Variants in ANK2 observed in about 807,000 individuals in gnomAD.
ANK2 encodes the protein ankyrin 2.
A neutral mutation model predicts 360.5 loss-of-function variants in ANK2; 83 were observed. That is an observed-to-expected ratio of 0.23 (90% confidence interval 0.19 to 0.28). The LOEUF is 0.28. Ranked by LOEUF, ANK2 falls within the 10% of genes least tolerant of loss-of-function variation. The pLI is 1.00. For missense variants in ANK2, 4,201 were observed against 4,795.7 expected (o/e 0.88, Z 3.66); for synonymous variants, 1,740 against 1,759.5 (o/e 0.99, Z 0.28).
intron 2 of ANK2, among the ~76,000 whole-genome samples, chr4:112,991,530 A>G (rs1164328553): frequency 6.6e-6 from 1 of 151,624 alleles, no homozygotes; most frequent in Non-Finnish European, 1.5e-5. Context: ...TGTGTTACAC[A>G]CACAGTCTTT....
At chr4:113,237,825 G>A (rs2099395453) in intron 7 of ANK2, among the ~76,000 whole-genome samples, 1 of 152,144 alleles carries the variant, frequency 6.6e-6, no homozygotes, top group South Asian at 2.1e-4. Flanking sequence ...ATTTTTATCA[G>A]TAAAACTATT....
chr4:112,730,636 CAAAAA>C, the ANK2 span, among the ~76,000 whole-genome samples: 10 of 57,944 alleles, frequency 1.7e-4, no homozygotes, highest in African/African-American at 6.2e-4. Flanking sequence ...GACTCCATCT[CAAAAA>C]AAAAAAAAAA....
At chr4:113,267,701 T>C (rs528547397) in intron 14 of ANK2, among the ~76,000 whole-genome samples, 3 of 152,340 alleles carry the variant, frequency 2.0e-5, no homozygotes, top group East Asian at 3.9e-4. Context: ...CCAGCTTTAT[T>C]CTTTTTGCTT....
chr4:112,978,834 A>G (rs537587703), intron 2 of ANK2, among the ~76,000 whole-genome samples: 3 of 152,220 alleles, frequency 2.0e-5, no homozygotes, highest in Non-Finnish European at 4.4e-5. Flanking sequence ...AATTTGGCAT[A>G]GTCATTTGAC....
the ANK2 span, among the ~76,000 whole-genome samples, chr4:112,754,157 A>C: frequency 7.0e-6 from 1 of 141,856 alleles, no homozygotes; most frequent in Non-Finnish European, 1.5e-5. Context: ...ATAAAATTGC[A>C]TGGGGATATA....
At chr4:112,811,629 C>T in the ANK2 span, among the ~76,000 whole-genome samples, 2 of 152,282 alleles carry the variant, frequency 1.3e-5, no homozygotes, top group Admixed American at 1.3e-4. Context: ...CCTTTATCAA[C>T]CTTATACTCA....
chr4:113,003,423 A>T (rs573444746), intron 2 of ANK2, among the ~76,000 whole-genome samples: 1 of 152,322 alleles, frequency 6.6e-6, no homozygotes, highest in East Asian at 1.9e-4. Context: ...AAAAATAATG[A>T]ATCAAAAATT....
At position 113,348,353 on chromosome 4, in the gene ANK2, G is replaced by A. The variant is rs2272234; in HGVS notation, c.4404+45G>A. 53,026 of 1,592,992 alleles carry A rather than the reference G, an allele frequency of 0.033. 2,923 individuals carry two copies. The highest frequency in any genetic ancestry group is 0.25 in the African/African-American group (18,657 of 74,454). On this transcript the variant is annotated intron_variant, in intron 36 of 45. Coordinates refer to ENST00000357077, the MANE Select transcript of ANK2 (RefSeq NM_001148.6). ...ACTTGTTATCGGCTGTGTCATTGCT[G>A]TAACCACTAATAAGAGCACATAGTT... is the stretch of plus-strand genomic sequence containing the variant.
At chr4:112,830,707 C>A (rs563049076) in intron 1 of ANK2, among the ~76,000 whole-genome samples, 1 of 152,206 alleles carries the variant, frequency 6.6e-6, no homozygotes, top group Non-Finnish European at 1.5e-5. Flanking sequence ...ACTCTGGCTG[C>A]GCTTGAGGAG....
intron 2 of ANK2, among the ~76,000 whole-genome samples, chr4:113,186,912 T>G (rs1321642478): frequency 6.6e-6 from 1 of 152,112 alleles, no homozygotes; most frequent in African/African-American, 2.4e-5. Flanking sequence ...CAGTTGTTTT[T>G]AGTCCCCATA....
At chr4:113,239,893 T>C (rs1310056546) in intron 7 of ANK2, among the ~76,000 whole-genome samples, 1 of 152,106 alleles carries the variant, frequency 6.6e-6, no homozygotes, top group Non-Finnish European at 1.5e-5. Context: ...TTTTTAATTA[T>C]TTCATCATGA....
chr4:113,160,220 T>C, intron 1 of ANK2: 1 of 275,474 alleles, frequency 3.6e-6, no homozygotes, highest in South Asian at 3.3e-5. Context: ...GATAGAATTA[T>C]AAAGGAAACT....
chr4:113,380,433 G>A (rs887273894), intron 45 of ANK2, among the ~76,000 whole-genome samples: 1 of 152,166 alleles, frequency 6.6e-6, no homozygotes, highest in Non-Finnish European at 1.5e-5. Flanking sequence ...GGCCAAGGTG[G>A]ACAGATCATC....
At chr4:112,905,553 A>G (rs1019903854) in intron 2 of ANK2, among the ~76,000 whole-genome samples, 6 of 152,368 alleles carry the variant, frequency 3.9e-5, no homozygotes, top group South Asian at 2.1e-4. Flanking sequence ...TATTTAACAT[A>G]CATTTTCTAT....
chr4:113,223,797 A>G (rs1463281045), intron 4 of ANK2, among the ~76,000 whole-genome samples: 1 of 152,194 alleles, frequency 6.6e-6, no homozygotes, highest in Non-Finnish European at 1.5e-5. Flanking sequence ...AATAAATATT[A>G]TCATCACAGT....
chr4:113,151,261 G>C, intron 1 of ANK2: 1 of 654,998 alleles, frequency 1.5e-6, no homozygotes, highest in Non-Finnish European at 2.2e-6. Flanking sequence ...TAGTTCATTT[G>C]TGTAGCTACA....
chr4:112,861,649 G>T (rs1397749140), intron 1 of ANK2, among the ~76,000 whole-genome samples: 1 of 152,188 alleles, frequency 6.6e-6, no homozygotes, highest in African/African-American at 2.4e-5. Context: ...AGTATTGAGA[G>T]TATTAAATAA....
At chr4:112,997,848 TACAC>T (rs746566624) in intron 2 of ANK2, among the ~76,000 whole-genome samples, 1 of 150,734 alleles carries the variant, frequency 6.6e-6, no homozygotes, top group Admixed American at 6.6e-5. Context: ...CATATATATA[TACAC>T]ACACACATAT....
At chr4:112,754,638 C>T in the ANK2 span, among the ~76,000 whole-genome samples, 1 of 152,098 alleles carries the variant, frequency 6.6e-6, no homozygotes, top group Non-Finnish European at 1.5e-5. Context: ...TGCTTTCCCT[C>T]AGGCAGCCAT....
Sources: allele counts gnomAD v4.1 joint callset (sites outside exome capture counted in the v4.1 genomes callset), GRCh38; gene constraint gnomAD v4.1.1; transcripts MANE v1.5; gene names NCBI Gene and HGNC (gene_info 2026-07-23, HGNC 2026-07-21).